GRXCR1: variants seen among roughly 807,000 people sequenced by gnomAD.
GRXCR1 encodes the protein glutaredoxin domain-containing cysteine-rich protein 1.
A neutral mutation model predicts 27.3 loss-of-function variants in GRXCR1; 27 were observed. The observed-to-expected ratio is 0.99, with a 90% CI of 0.73 to 1.37. The LOEUF (loss-of-function observed/expected upper bound fraction) is 1.37. Ranked by LOEUF, GRXCR1 falls within the 40% of genes most tolerant of loss-of-function variation. The pLI, the probability that GRXCR1 is intolerant of heterozygous loss-of-function variation, is 0.00. For synonymous variants in GRXCR1, 122 were observed against 131.1 expected (o/e 0.93, Z 0.47); for missense variants, 379 against 354.4 (o/e 1.07, Z -0.56).
chr4:43,017,348 TG>T (rs1712961431), intron 2 of GRXCR1, among the ~76,000 whole-genome samples: 1 of 152,132 alleles, frequency 6.6e-6, no homozygotes, highest in Admixed American at 6.5e-5. Flanking sequence ...CAGGGTGCAA[TG>T]GAAAGAGTAT....
chr4:43,019,208 C>A (rs1713025026), intron 2 of GRXCR1, among the ~76,000 whole-genome samples: 1 of 152,222 alleles, frequency 6.6e-6, no homozygotes, highest in East Asian at 1.9e-4. Flanking sequence ...GATTTCCTAG[C>A]CTATCTTTGT....
At chr4:42,953,975 A>G (rs1747941584) in intron 1 of GRXCR1, among the ~76,000 whole-genome samples, 1 of 152,100 alleles carries the variant, frequency 6.6e-6, no homozygotes, top group Non-Finnish European at 1.5e-5. Flanking sequence ...ACTGTCCAGG[A>G]TTATCCGGTT....
At chr4:42,979,392 A>G (rs1235516696) in intron 2 of GRXCR1, among the ~76,000 whole-genome samples, 4 of 152,044 alleles carry the variant, frequency 2.6e-5, no homozygotes, top group Non-Finnish European at 2.9e-5. Flanking sequence ...TTTATTATGA[A>G]AAGATGTTGA....
intron 2 of GRXCR1, among the ~76,000 whole-genome samples, chr4:43,004,989 C>T (rs1454789227): frequency 6.6e-6 from 1 of 152,132 alleles, no homozygotes; most frequent in Admixed American, 6.5e-5. Context: ...TGTGTCCCCA[C>T]CCAAATCTCA....
At chr4:42,932,064 C>T (rs1197107978) in intron 1 of GRXCR1, among the ~76,000 whole-genome samples, 1 of 151,968 alleles carries the variant, frequency 6.6e-6, no homozygotes, top group Non-Finnish European at 1.5e-5. Context: ...TCAGTTACCT[C>T]CCACTGGGTC....
chr4:42,990,284 C>T (rs1468928347), intron 2 of GRXCR1, among the ~76,000 whole-genome samples: 7 of 143,224 alleles, frequency 4.9e-5, no homozygotes, highest in Non-Finnish European at 7.6e-5. Context: ...CCCCGCCTCC[C>T]GGGTTCACGC....
At chr4:42,941,966 T>C (rs565702521) in intron 1 of GRXCR1, among the ~76,000 whole-genome samples, 2 of 152,202 alleles carry the variant, frequency 1.3e-5, no homozygotes, top group African/African-American at 4.8e-5. Context: ...CCTTATTAAT[T>C]TGATATATAT....
At chr4:42,912,481 C>T (rs1313415806) in intron 1 of GRXCR1, among the ~76,000 whole-genome samples, 1 of 152,164 alleles carries the variant, frequency 6.6e-6, no homozygotes, top group Non-Finnish European at 1.5e-5. Flanking sequence ...AGTCAATGCT[C>T]ATTGCATGTA....
At chr4:42,920,640 A>T (rs535630740) in intron 1 of GRXCR1, among the ~76,000 whole-genome samples, 1 of 152,092 alleles carries the variant, frequency 6.6e-6, no homozygotes. Flanking sequence ...TCTTATCAAG[A>T]TGGATAACTC....
chr4:42,922,342 A>G (rs1214761549), intron 1 of GRXCR1, among the ~76,000 whole-genome samples: 1 of 151,722 alleles, frequency 6.6e-6, no homozygotes, highest in African/African-American at 2.4e-5. Flanking sequence ...GACCTCCTAC[A>G]CCTGTGTGTG....
rs531527331 is a variant in GRXCR1, at chr4:43,030,605, A to G, written c.*65A>G. ...AAAGGCAATACTTTGGTTTATATAT[A>G]TATTTTTAAATGGTTATGTTTATGG... On this transcript the variant is annotated 3_prime_UTR_variant, in exon 4 of 4. Transcript: ENST00000399770. 3.2e-4 allele frequency: 384 copies of G among 1,203,164 alleles called. 3 individuals carry two copies. Among genetic ancestry groups the G allele is most frequent in the Admixed American group, 1.1e-3 (66 of 57,768 alleles). 74.5% of individuals were successfully genotyped at this position (1,203,164 alleles called of 1,614,324 possible). A position where few individuals can be genotyped will look rare whatever the true frequency, so the allele number is the denominator to read the frequency against.
intron 2 of GRXCR1, among the ~76,000 whole-genome samples, chr4:42,965,537 C>T (rs1357194930): frequency 1.3e-5 from 2 of 151,980 alleles, no homozygotes; most frequent in Non-Finnish European, 2.9e-5. Flanking sequence ...TGGAAGGATG[C>T]CCTCTGCTGG....
At chr4:43,028,436 T>C (rs1713324489) in intron 3 of GRXCR1, among the ~76,000 whole-genome samples, 1 of 152,222 alleles carries the variant, frequency 6.6e-6, no homozygotes, top group African/African-American at 2.4e-5. Context: ...ATTTACAATC[T>C]AGCAGTAATG....
intron 3 of GRXCR1, among the ~76,000 whole-genome samples, chr4:43,024,428 G>A (rs1713190832): frequency 6.6e-6 from 1 of 152,012 alleles, no homozygotes. Context: ...TAGGGGAAAG[G>A]GGGTGGCCAT....
chr4:43,002,566 G>T lies in GRXCR1; in HGVS notation c.628-17788G>T, dbSNP rs923310764. On this transcript the variant is annotated intron_variant, in intron 2 of 3. Transcript: ENST00000399770. ...TTAACAACATCTCAGCAAAGCAATTGTTTAAAGTACAGGTCTTTTTCAAAA... is the reference window on the plus strand; with the variant it reads ...TTAACAACATCTCAGCAAAGCAATTTTTTAAAGTACAGGTCTTTTTCAAAA... 2.6e-5 allele frequency among the ~76,000 whole-genome samples: 4 copies of T among 152,260 alleles called. No individual in the cohort carries two copies. In the South Asian group the frequency reaches 8.3e-4, roughly 32 times the overall value.
intron 1 of GRXCR1, among the ~76,000 whole-genome samples, chr4:42,900,955 T>TTTTGGTGAAGAGCCAGGTTCA (rs1307949196): frequency 6.6e-6 from 1 of 152,156 alleles, no homozygotes; most frequent in Admixed American, 6.5e-5. Flanking sequence ...ACATGCCCTC[T>TTTTGGTGAAGAGCCAGGTTCA]CATGAGTACC....
intron 1 of GRXCR1, among the ~76,000 whole-genome samples, chr4:42,900,463 G>C (rs1485750646): frequency 6.6e-6 from 1 of 151,546 alleles, no homozygotes; most frequent in Non-Finnish European, 1.5e-5. Flanking sequence ...CCCTTTTTTT[G>C]ATTCTTAAAT....
chr4:43,007,426 G>T (rs1207782608), intron 2 of GRXCR1, among the ~76,000 whole-genome samples: 2 of 152,124 alleles, frequency 1.3e-5, no homozygotes, highest in Admixed American at 1.3e-4. Context: ...AAAGAGTTTG[G>T]CTTCTGATAT....
At position 42,893,244 on chromosome 4, in the gene GRXCR1, T is replaced by C. The variant is rs754852518; in HGVS notation, c.-23T>C. The C allele has an allele frequency of 6.2e-7, 1 of 1,613,204 alleles. No individual in the cohort carries two copies. Among genetic ancestry groups the C allele is most frequent in the Non-Finnish European group, 8.5e-7 (1 of 1,179,566 alleles). The stretch of plus-strand genomic sequence containing the variant: ...ACAACGGGTCCAGAATGCTGTAAAC[T>C]GTTCATATGGGTGGAGGTGACCATG... On this transcript the variant is annotated 5_prime_UTR_variant, in exon 1 of 4. Transcript: ENST00000399770.
Sources: allele counts gnomAD v4.1 joint callset (sites outside exome capture counted in the v4.1 genomes callset), GRCh38; gene constraint gnomAD v4.1.1; transcripts MANE v1.5; gene names NCBI Gene and HGNC (gene_info 2026-07-23, HGNC 2026-07-21).